The following GTF2E2 variants were observed in gnomAD, a reference collection of about 807,000 sequenced individuals.
The protein encoded by GTF2E2 is transcription initiation factor IIE subunit beta.
A neutral mutation model predicts 40.5 loss-of-function variants in GTF2E2; 21 were observed. That is an observed-to-expected ratio of 0.52 (90% CI 0.37 to 0.75). GTF2E2 has a LOEUF of 0.75. Ranked by LOEUF, GTF2E2 falls within the 30% of genes least tolerant of loss-of-function variation. The pLI is 0.00. For missense variants in GTF2E2, 298 were observed against 338.4 expected (o/e 0.88, Z 0.94); for synonymous variants, 117 against 121.6 (o/e 0.96, Z 0.25).
At chr8:30,656,093 C>A (rs1366669064) in intron 1 of GTF2E2, among the ~76,000 whole-genome samples, 3 of 152,110 alleles carry the variant, frequency 2.0e-5, no homozygotes, top group African/African-American at 7.2e-5. Context: ...AGATTACAGG[C>A]GTGAGTCACC....
At chr8:30,605,462 G>A (rs148428631) in intron 6 of GTF2E2, among the ~76,000 whole-genome samples, 1 of 152,034 alleles carries the variant, frequency 6.6e-6, no homozygotes, top group Non-Finnish European at 1.5e-5. Context: ...ACAAAAGAAA[G>A]GGACTGCAGC....
Position 30,612,839 on chromosome 8 carries a change from GC to G in GTF2E2, c.367-359del, listed in dbSNP as rs368742690. On this transcript the variant is annotated intron_variant, in intron 4 of 7. Transcript: ENST00000355904. ...TGGGATTATAGGCGTGAGCCACTGT[GC>G]CCAGCCCATATACACATTCTTAATT... Among the ~76,000 whole-genome samples, 27 of 152,244 alleles carry G rather than the reference GC, an allele frequency of 1.8e-4. No homozygotes were observed. The South Asian group carries it at 2.7e-3, about 15-fold the overall frequency.
At chr8:30,603,416 CA>C (rs1829236749) in intron 6 of GTF2E2, among the ~76,000 whole-genome samples, 2 of 151,162 alleles carry the variant, frequency 1.3e-5, no homozygotes, top group Admixed American at 1.3e-4. Flanking sequence ...AAAACAACAA[CA>C]AAAAAATACA....
chr8:30,646,286 T>C (rs1802068367), intron 2 of GTF2E2, among the ~76,000 whole-genome samples: 1 of 152,168 alleles, frequency 6.6e-6, no homozygotes, highest in African/African-American at 2.4e-5. Context: ...GAGTTTGTTC[T>C]TTCATTTTAC....
intron 7 of GTF2E2, among the ~76,000 whole-genome samples, chr8:30,579,503 A>G (rs1828446724): frequency 6.6e-6 from 1 of 152,232 alleles, no homozygotes; most frequent in Admixed American, 6.5e-5. Context: ...TTAACAAATG[A>G]GACAATAATA....
At chr8:30,610,951 T>C (rs1297422642) in intron 5 of GTF2E2, among the ~76,000 whole-genome samples, 1 of 152,196 alleles carries the variant, frequency 6.6e-6, no homozygotes, top group Non-Finnish European at 1.5e-5. Flanking sequence ...CCAGAATATA[T>C]TTTTTAAAAC....
chr8:30,627,448 C>CAAAAA (rs71539905), intron 3 of GTF2E2, among the ~76,000 whole-genome samples: 17 of 64,748 alleles, frequency 2.6e-4, no homozygotes, highest in African/African-American at 8.5e-4. Context: ...ACCTCTCTTG[C>CAAAAA]AAAAAAAAAA....
chr8:30,601,616 C>T (rs1307611301), intron 6 of GTF2E2, among the ~76,000 whole-genome samples: 3 of 152,162 alleles, frequency 2.0e-5, no homozygotes, highest in African/African-American at 7.2e-5. Flanking sequence ...CCCCACCATC[C>T]TTCTTAAGAG....
chr8:30,599,369 G>A (rs978797572), intron 6 of GTF2E2, among the ~76,000 whole-genome samples: 12 of 152,012 alleles, frequency 7.9e-5, no homozygotes, highest in African/African-American at 2.9e-4. Flanking sequence ...TTGAGGTCAG[G>A]AGTTCAAGAA....
chr8:30,655,554 T>C (rs1247306342), intron 1 of GTF2E2, among the ~76,000 whole-genome samples: 1 of 152,240 alleles, frequency 6.6e-6, no homozygotes, highest in Non-Finnish European at 1.5e-5. Context: ...ATCTTTAAAT[T>C]GCTCTGGTCC....
At chr8:30,637,414 C>T in intron 2 of GTF2E2, 8 of 396,392 alleles carry the variant, frequency 2.0e-5, no homozygotes, top group South Asian at 1.3e-4. Context: ...GCTTAGTAAA[C>T]ACTCAATAAA....
intron 6 of GTF2E2, among the ~76,000 whole-genome samples, chr8:30,600,564 C>T (rs1321639107): frequency 1.3e-5 from 2 of 151,712 alleles, no homozygotes; most frequent in African/African-American, 4.9e-5. Context: ...TAAGATAAAA[C>T]CTACATGGAA....
intron 5 of GTF2E2, 24 bp downstream of exon 5, chr8:30,612,275 A>G (rs780507697): frequency 7.2e-7 from 1 of 1,387,642 alleles, no homozygotes; most frequent in Admixed American, 1.8e-5. Context: ...TTATATTAAG[A>G]CATAGAAAGA....
rs577552176 is a variant in GTF2E2, at chr8:30,609,464, A to G, written c.550-2314T>C. On this transcript the variant is annotated intron_variant, in intron 5 of 7. Transcript: ENST00000355904. The stretch of plus-strand genomic sequence containing the variant: ...GTCAAATTGTACATACATAAAATAA[A>G]TGAAAGAACCTGAAGGCATTGCTAA... Among the ~76,000 whole-genome samples, 18 of 152,254 alleles carry G rather than the reference A, an allele frequency of 1.2e-4. No individual in the cohort carries two copies. In the East Asian group the frequency reaches 3.1e-3, roughly 26 times the overall value.
chr8:30,624,628 T>C (rs985343284), intron 3 of GTF2E2, among the ~76,000 whole-genome samples: 2 of 152,138 alleles, frequency 1.3e-5, no homozygotes, highest in African/African-American at 4.8e-5. Context: ...ATGATATTGA[T>C]TCTTCCTAGC....
Position 30,614,692 on chromosome 8 carries a change from CG to C in GTF2E2, c.281del (p.Thr94SerfsTer4). 1 of 1,602,354 alleles carries C rather than the reference CG, an allele frequency of 6.2e-7. No individual in the cohort carries two copies. The highest frequency in any genetic ancestry group is 8.5e-7 in the Non-Finnish European group (1 of 1,170,376). On this transcript the variant is annotated frameshift_variant, in exon 4 of 8. Coordinates refer to ENST00000355904, the MANE Select transcript of GTF2E2 (RefSeq NM_002095.6). LOFTEE classifies it high-confidence loss of function. ...YMKTRHQRGD[T>X]HPLTLDEILD... ...AAATTTCATCTAAGGTTAGAGGATG[CG>C]TATCTCCTCGCTGATGCCGTGTCTA...
intron 5 of GTF2E2, among the ~76,000 whole-genome samples, chr8:30,608,840 G>A (rs572116140): frequency 2.0e-4 from 30 of 152,274 alleles, no homozygotes; most frequent in South Asian, 2.1e-4. Context: ...AGCTCCGCAC[G>A]GTGGCTCACG....
chr8:30,621,024 T>A (rs1429929168), intron 3 of GTF2E2, among the ~76,000 whole-genome samples: 5 of 151,966 alleles, frequency 3.3e-5, no homozygotes, highest in African/African-American at 1.2e-4. Flanking sequence ...TAGCCTAAAC[T>A]AGAAGGAATA....
intron 6 of GTF2E2, among the ~76,000 whole-genome samples, chr8:30,586,126 G>A (rs1017486561): frequency 1.3e-5 from 2 of 152,104 alleles, no homozygotes; most frequent in Admixed American, 6.6e-5. Context: ...CGAGCAACAC[G>A]CCATGCCTTC....
Sources: allele counts gnomAD v4.1 joint callset (sites outside exome capture counted in the v4.1 genomes callset), GRCh38; gene constraint gnomAD v4.1.1; transcripts MANE v1.5; gene names NCBI Gene and HGNC (gene_info 2026-07-23, HGNC 2026-07-21).